The following TRDMT1 variants were observed in gnomAD, a reference collection of about 807,000 sequenced individuals.
TRDMT1 encodes the protein tRNA (cytosine(38)-C(5))-methyltransferase.
Under a neutral mutation model 51.2 loss-of-function variants are expected in TRDMT1, and 49 were observed. That is an observed-to-expected ratio of 0.96 (90% CI 0.76 to 1.21). The LOEUF (loss-of-function observed/expected upper bound fraction) is 1.21. Among genes scored for constraint, TRDMT1 ranks in the 50% most tolerant of loss-of-function variants. TRDMT1 has a pLI of 0.00. For synonymous variants in TRDMT1, 187 were observed against 164.6 expected (o/e 1.14, Z -1.04); for missense variants, 534 against 462.3 (o/e 1.16, Z -1.42).
Position 17,201,402 on chromosome 10 carries a change from G to A in TRDMT1, c.64+169C>T, listed in dbSNP as rs188794560. On this transcript the variant is annotated intron_variant, in intron 1 of 10. Coordinates refer to ENST00000377799, the MANE Select transcript of TRDMT1 (RefSeq NM_004412.7). ...GAAGGGAGTCAGCGTCTGGAGGGGTGGACACGGCGGCGCGCAGGAGCTGTT... is the reference window on the plus strand; with the variant it reads ...GAAGGGAGTCAGCGTCTGGAGGGGTAGACACGGCGGCGCGCAGGAGCTGTT... 6 of 608,688 alleles carry A rather than the reference G, an allele frequency of 9.9e-6. No homozygotes were observed. In the Admixed American group the frequency reaches 2.2e-4, roughly 23 times the overall value. The allele number at this position is 608,688 out of a possible 1,614,324, so 37.7% of individuals were successfully genotyped here. A position where few individuals can be genotyped will look rare whatever the true frequency, so the allele number is the denominator to read the frequency against.
chr10:17,196,087 CTAG>C (rs1198429770), intron 1 of TRDMT1, among the ~76,000 whole-genome samples: 15 of 152,184 alleles, frequency 9.9e-5, no homozygotes, highest in African/African-American at 2.4e-5. Flanking sequence ...ACAAGCTGGT[CTAG>C]TAGACTCCCA....
At chr10:17,180,863 A>G (rs567264481) in intron 1 of TRDMT1, among the ~76,000 whole-genome samples, 1 of 152,308 alleles carries the variant, frequency 6.6e-6, no homozygotes, top group South Asian at 2.1e-4. Context: ...TATTTTTCCT[A>G]TTTCAGAACT....
Position 17,148,340 on chromosome 10 carries a change from T to G in TRDMT1, c.*700A>C. On this transcript the variant is annotated 3_prime_UTR_variant, in exon 11 of 11. Transcript: ENST00000377799. Reference sequence around the variant, plus strand: ...GAAGCTGAGAAGACAAAAACAAGCTTTGATAATAGTCAACTAAAGGAAAGT... The same window carrying G: ...GAAGCTGAGAAGACAAAAACAAGCTGTGATAATAGTCAACTAAAGGAAAGT... 2 of 985,362 alleles carry G rather than the reference T, an allele frequency of 2.0e-6. No homozygotes were observed. Among genetic ancestry groups the G allele is most frequent in the Non-Finnish European group, 2.4e-6 (2 of 829,930 alleles). 61.0% of individuals were successfully genotyped at this position (985,362 alleles called of 1,614,324 possible).
chr10:17,155,697 T>C (rs916821859), intron 8 of TRDMT1, among the ~76,000 whole-genome samples: 2 of 152,168 alleles, frequency 1.3e-5, no homozygotes, highest in Non-Finnish European at 2.9e-5. Context: ...GTTCAACATA[T>C]TAGCATTATT....
rs1175014153 is a variant in TRDMT1, at chr10:17,141,046, C to G, written c.*7994G>C. Among the ~76,000 whole-genome samples the G allele has an allele frequency of 6.6e-6, 1 of 152,234 alleles. No homozygotes were observed. The highest frequency in any genetic ancestry group is 1.5e-5 in the Non-Finnish European group (1 of 68,042). On this transcript the variant is annotated 3_prime_UTR_variant, in exon 11 of 11. Transcript: ENST00000377799. ...GGATAGTTTGGCTAGATATAGAATT[C>G]ATAGTTGACAATGCCACCTCCTTCT...
intron 1 of TRDMT1, among the ~76,000 whole-genome samples, chr10:17,183,997 G>C (rs1229423686): frequency 6.6e-6 from 1 of 152,006 alleles, no homozygotes; most frequent in Non-Finnish European, 1.5e-5. Context: ...ATAATCAAAA[G>C]AAAAACTAAA....
At chr10:17,175,554 T>A (rs1842521715) in intron 1 of TRDMT1, among the ~76,000 whole-genome samples, 1 of 151,890 alleles carries the variant, frequency 6.6e-6, no homozygotes, top group African/African-American at 2.4e-5. Context: ...TATTTGAGAC[T>A]TCAGAAAATC....
chr10:17,198,192 C>T (rs1393144592), intron 1 of TRDMT1, among the ~76,000 whole-genome samples: 1 of 152,110 alleles, frequency 6.6e-6, no homozygotes, highest in Non-Finnish European at 1.5e-5. Context: ...GTAGAGGAAA[C>T]GGAGTGCTCA....
Position 17,139,087 on chromosome 10 carries a change from G to T in TRDMT1, c.*9953C>A. On this transcript the variant is annotated 3_prime_UTR_variant, in exon 11 of 11. Transcript: ENST00000377799. ...CTTTCTCTACCTCCAACAGCTCCCG[G>T]AATGGGGACTTCAGCAGCTCCATTG... 3.8e-6 allele frequency: 3 copies of T among 797,658 alleles called. No homozygotes were observed. Among genetic ancestry groups the T allele is most frequent in the Non-Finnish European group, 4.6e-6 (3 of 658,226 alleles). 49.4% of individuals were successfully genotyped at this position (797,658 alleles called of 1,614,324 possible). A position where few individuals can be genotyped will look rare whatever the true frequency, so the allele number is the denominator to read the frequency against.
chr10:17,155,995 C>T (rs1398710838), intron 8 of TRDMT1, among the ~76,000 whole-genome samples: 2 of 152,040 alleles, frequency 1.3e-5, no homozygotes, highest in African/African-American at 2.4e-5. Context: ...GACAACAGCC[C>T]AGTGAAGTCT....
At position 17,147,114 on chromosome 10, in the gene TRDMT1, C is replaced by A; in HGVS notation, c.*1926G>T. ...ATGTTGCTCAACCGAATGTGGGATA[C>A]TATAATTATAGCATAATTATTCATA... is the stretch of plus-strand genomic sequence containing the variant. On this transcript the variant is annotated 3_prime_UTR_variant, in exon 11 of 11. Coordinates refer to ENST00000377799, the MANE Select transcript of TRDMT1 (RefSeq NM_004412.7). 2 of 985,690 alleles carry A rather than the reference C, an allele frequency of 2.0e-6. No individual in the cohort carries two copies. Among genetic ancestry groups the A allele is most frequent in the Non-Finnish European group, 2.4e-6 (2 of 829,834 alleles). 61.1% of individuals were successfully genotyped at this position (985,690 alleles called of 1,614,324 possible). A position where few individuals can be genotyped will look rare whatever the true frequency, so the allele number is the denominator to read the frequency against.
At chr10:17,200,300 T>C (rs1588708399) in intron 1 of TRDMT1, among the ~76,000 whole-genome samples, 1 of 152,204 alleles carries the variant, frequency 6.6e-6, no homozygotes, top group African/African-American at 2.4e-5. Flanking sequence ...TTTCAAGATA[T>C]GGGAAAACGC....
Position 17,141,616 on chromosome 10 carries a change from A to AT in TRDMT1, c.*7423dup, listed in dbSNP as rs1276293974. On this transcript the variant is annotated 3_prime_UTR_variant, in exon 11 of 11. Transcript: ENST00000377799. ...CCCACAGGTCCCCAAGGCTCTGTTA[A>AT]TTTTTTTTGTCAGCCTATCTTTGCC... is the stretch of plus-strand genomic sequence containing the variant. Among the ~76,000 whole-genome samples, 3 of 151,820 alleles carry AT rather than the reference A, an allele frequency of 2.0e-5. No individual in the cohort carries two copies. The highest frequency in any genetic ancestry group is 2.1e-4 in the South Asian group (1 of 4,802).
intron 6 of TRDMT1, 129 bp from the exon 7 acceptor site, chr10:17,159,358 T>C: frequency 1.8e-6 from 1 of 552,990 alleles, no homozygotes; most frequent in Non-Finnish European, 3.2e-6. Flanking sequence ...CACAGCAAAA[T>C]TTGCTACGGA....
At chr10:17,156,731 T>G (rs1036670169) in intron 8 of TRDMT1, among the ~76,000 whole-genome samples, 31 of 152,166 alleles carry the variant, frequency 2.0e-4, no homozygotes, top group African/African-American at 7.2e-4. Context: ...GCGATAATAT[T>G]CTATTTATAT....
rs1224914726 is a variant in TRDMT1 at position 17,138,000 on chromosome 10, T to C, written c.*11040A>G. Reference sequence around the variant, plus strand: ...TGTTCTTTTATCTTGAGTGCAATAATCCTTATGTGATATTTCTGCTAGGCC... The same window carrying C: ...TGTTCTTTTATCTTGAGTGCAATAACCCTTATGTGATATTTCTGCTAGGCC... On this transcript the variant is annotated 3_prime_UTR_variant, in exon 11 of 11. Transcript: ENST00000377799. 6.6e-6 allele frequency among the ~76,000 whole-genome samples: 1 copy of C among 152,128 alleles called. No homozygotes were observed. The highest frequency in any genetic ancestry group is 1.5e-5 in the Non-Finnish European group (1 of 68,020).
Position 17,140,028 on chromosome 10 carries a change from T to A in TRDMT1, c.*9012A>T, listed in dbSNP as rs1163737527. ...GGCATTAAATATTCTTCCAGTAACA[T>A]CTAGTGTGCTTTTTTTTTTTTTTTT... On this transcript the variant is annotated 3_prime_UTR_variant, in exon 11 of 11. Transcript: ENST00000377799. 7.3e-6 allele frequency among the ~76,000 whole-genome samples: 1 copy of A among 136,108 alleles called. No homozygotes were observed. The highest frequency in any genetic ancestry group is 1.5e-5 in the Non-Finnish European group (1 of 64,916). The allele number at this position is 136,108 out of a possible 152,430, so 89.3% of individuals were successfully genotyped here.
At position 17,146,187 on chromosome 10, in the gene TRDMT1, G is replaced by C; in HGVS notation, c.*2853C>G. ...AGTTTACCCTCAAATTTCTAAAAAA[G>C]TGCTGGGTGGACCCTCACTGTTCAC... On this transcript the variant is annotated 3_prime_UTR_variant, in exon 11 of 11. Coordinates refer to ENST00000377799, the MANE Select transcript of TRDMT1 (RefSeq NM_004412.7). 4.1e-6 allele frequency: 4 copies of C among 985,446 alleles called. No individual in the cohort carries two copies. Among genetic ancestry groups the C allele is most frequent in the Non-Finnish European group, 3.6e-6 (3 of 829,928 alleles). 61.0% of individuals were successfully genotyped at this position (985,446 alleles called of 1,614,324 possible). A position where few individuals can be genotyped will look rare whatever the true frequency, so the allele number is the denominator to read the frequency against.
Position 17,145,554 on chromosome 10 carries a change from G to T in TRDMT1, c.*3486C>A. ...AAAGTCCAAAGCTATTAGTAAGTCA[G>T]TGTCATAACTGGTGGCCTAAAACAG... On this transcript the variant is annotated 3_prime_UTR_variant, in exon 11 of 11. Coordinates refer to ENST00000377799, the MANE Select transcript of TRDMT1 (RefSeq NM_004412.7). 1.0e-6 allele frequency: 1 copy of T among 985,450 alleles called. No homozygotes were observed. 61.0% of individuals were successfully genotyped at this position (985,450 alleles called of 1,614,324 possible). A position where few individuals can be genotyped will look rare whatever the true frequency, so the allele number is the denominator to read the frequency against.
Sources: gnomAD v4.1 joint callset for allele counts (sites outside exome capture counted in the v4.1 genomes callset) on GRCh38, gnomAD v4.1.1 for gene constraint, MANE v1.5 for transcripts, NCBI Gene and HGNC (gene_info 2026-07-23, HGNC 2026-07-21) for gene names.